The following AKT3 variants were observed in gnomAD, a reference collection of about 807,000 sequenced individuals.
AKT3 encodes RAC-gamma serine/threonine-protein kinase.
A neutral mutation model predicts 65.3 loss-of-function variants in AKT3; 15 were observed. The observed-to-expected ratio is 0.23, with a 90% CI of 0.15 to 0.35. The LOEUF (loss-of-function observed/expected upper bound fraction) is 0.35. AKT3 is among the 10% of genes least tolerant of loss of function. The pLI is 1.00. For synonymous variants in AKT3, 206 were observed against 183.8 expected, an observed-to-expected ratio of 1.12 and a Z score of -0.98; for missense variants, 243 against 576.5, an observed-to-expected ratio of 0.42 and a Z score of 5.92.
chr1:243,841,690 A>G (rs1695251168), intron 2 of AKT3, among the ~76,000 whole-genome samples: 2 of 152,178 alleles, frequency 1.3e-5, no homozygotes. Context: ...TACCCAAGAC[A>G]AATGAAAACA....
intron 2 of AKT3, among the ~76,000 whole-genome samples, chr1:243,727,929 A>G (rs893442264): frequency 6.6e-6 from 1 of 152,210 alleles, no homozygotes; most frequent in East Asian, 1.9e-4. Context: ...TGACCTGACT[A>G]TAAGCAGCAC....
intron 2 of AKT3, among the ~76,000 whole-genome samples, chr1:243,732,640 T>C (rs1456381118): frequency 6.6e-6 from 1 of 152,198 alleles, no homozygotes; most frequent in African/African-American, 2.4e-5. Context: ...CAACCAGCAC[T>C]CTCAAGGACT....
At chr1:243,528,694 T>G (rs1283361581) in intron 12 of AKT3, among the ~76,000 whole-genome samples, 1 of 152,250 alleles carries the variant, frequency 6.6e-6, no homozygotes, top group Non-Finnish European at 1.5e-5. Context: ...ATGGTGTATC[T>G]GTACTACATT....
chr1:243,850,327 G>GGAGGGA (rs1695724679), upstream of AKT3, among the ~76,000 whole-genome samples: 1 of 150,756 alleles, frequency 6.6e-6, no homozygotes, highest in Admixed American at 6.6e-5. Context: ...GGCGGGAGGG[G>GGAGGGA]GAGGGAGGAG....
chr1:243,785,226 G>A (rs962296274), intron 2 of AKT3, among the ~76,000 whole-genome samples: 2 of 150,606 alleles, frequency 1.3e-5, no homozygotes, highest in African/African-American at 4.9e-5. Flanking sequence ...CAGCCACCAT[G>A]CCCAGCTAAT....
chr1:243,534,983 G>A (rs559017106), intron 12 of AKT3, among the ~76,000 whole-genome samples: 99 of 151,304 alleles, frequency 6.5e-4, no homozygotes, highest in Admixed American at 1.5e-3. Context: ...AAATTAGAGC[G>A]GAAATCAATG....
intron 3 of AKT3, among the ~76,000 whole-genome samples, chr1:243,680,709 A>G (rs1313805711): frequency 6.6e-6 from 1 of 152,198 alleles, no homozygotes; most frequent in Non-Finnish European, 1.5e-5. Flanking sequence ...AAATGCAATG[A>G]TTATATAACT....
chr1:243,565,415 A>G (rs1183519921), intron 9 of AKT3, among the ~76,000 whole-genome samples: 3 of 152,070 alleles, frequency 2.0e-5, no homozygotes, highest in Non-Finnish European at 4.4e-5. Context: ...TATAGTGACA[A>G]GGTCTCACTT....
chr1:243,792,446 T>G (rs1449761756), intron 2 of AKT3, among the ~76,000 whole-genome samples: 2 of 152,160 alleles, frequency 1.3e-5, no homozygotes, highest in African/African-American at 4.8e-5. Context: ...CATCTATATA[T>G]ATAACCCGGA....
chr1:243,514,415 T>C (rs1670210752), intron 12 of AKT3, among the ~76,000 whole-genome samples: 1 of 152,220 alleles, frequency 6.6e-6, no homozygotes, highest in Admixed American at 6.5e-5. Context: ...CCACGTGTAC[T>C]GAGGACTTTC....
intron 6 of AKT3, among the ~76,000 whole-genome samples, chr1:243,625,794 G>T (rs1679116827): frequency 6.6e-6 from 1 of 152,180 alleles, no homozygotes; most frequent in African/African-American, 2.4e-5. Flanking sequence ...GTTGCAGAAT[G>T]AAGAAGTCTG....
chr1:243,658,793 C>T (rs138991468), intron 4 of AKT3, among the ~76,000 whole-genome samples: 3 of 149,294 alleles, frequency 2.0e-5, no homozygotes, highest in Admixed American at 6.8e-5. Context: ...TAATTCCAGC[C>T]GAGGGAGGAG....
chr1:243,644,550 A>T (rs1269971866), intron 5 of AKT3, among the ~76,000 whole-genome samples: 1 of 152,188 alleles, frequency 6.6e-6, no homozygotes, highest in African/African-American at 2.4e-5. Context: ...AAAATGTTTA[A>T]AGTGTTTATG....
downstream of AKT3, chr1:243,499,655 A>G (rs1330916191): frequency 1.0e-6 from 1 of 965,192 alleles, no homozygotes; most frequent in Non-Finnish European, 1.7e-6. Flanking sequence ...TTTCTCCAAC[A>G]ACAGTTTTCA....
Position 243,734,593 on chromosome 1 carries a change from G to A in AKT3, c.47-38877C>T, listed in dbSNP as rs1328034231. ...CACACCTCTATAGGGCACTTACCAC[G>A]AATGGGGCTTGTAGGACTAGAAGTG... is the stretch of plus-strand genomic sequence containing the variant. On this transcript the variant is annotated intron_variant, in intron 2 of 13. Transcript: ENST00000673466. Among the ~76,000 whole-genome samples the A allele has an allele frequency of 2.0e-5, 3 of 152,116 alleles. 1 individual carries two copies. Among genetic ancestry groups the A allele is most frequent in the Non-Finnish European group, 4.4e-5 (3 of 68,016 alleles).
At chr1:243,544,704 T>G (rs997913612) in intron 12 of AKT3, among the ~76,000 whole-genome samples, 3 of 84,716 alleles carry the variant, frequency 3.5e-5, no homozygotes, top group Non-Finnish European at 1.0e-4. Context: ...TTTTGTTTTT[T>G]GTTTTTTTTT....
Position 243,843,285 on chromosome 1 carries a change from G to A in AKT3, c.-112-3C>T. 7.1e-7 allele frequency: 1 copy of A among 1,417,564 alleles called. No homozygotes were observed. Among genetic ancestry groups the A allele is most frequent in the Non-Finnish European group, 9.3e-7 (1 of 1,077,408 alleles). 87.8% of individuals were successfully genotyped at this position (1,417,564 alleles called of 1,614,324 possible). On this transcript the variant is annotated splice_polypyrimidine_tract_variant and splice_region_variant and intron_variant, in intron 1 of 13. Coordinates refer to ENST00000673466, the MANE Select transcript of AKT3 (RefSeq NM_005465.7). Reference sequence around the variant, plus strand: ...CCACTCTCTAGTGATGACTCAGCCTGGAAGGAAGTATTGAAGAAAGAATTT... The same window carrying A: ...CCACTCTCTAGTGATGACTCAGCCTAGAAGGAAGTATTGAAGAAAGAATTT...
At chr1:243,734,686 C>T (rs1687746060) in intron 2 of AKT3, among the ~76,000 whole-genome samples, 1 of 152,142 alleles carries the variant, frequency 6.6e-6, no homozygotes, top group Admixed American at 6.5e-5. Context: ...CTGTGGACTT[C>T]ATAAACACCG....
chr1:243,575,528 A>G (rs1321124283), intron 8 of AKT3, among the ~76,000 whole-genome samples: 3 of 152,190 alleles, frequency 2.0e-5, no homozygotes, highest in African/African-American at 7.2e-5. Context: ...TGGTTTAAAC[A>G]AAAGACAATT....
Sources: allele counts gnomAD v4.1 joint callset (sites outside exome capture counted in the v4.1 genomes callset), GRCh38; gene constraint gnomAD v4.1.1; transcripts MANE v1.5; gene names NCBI Gene and HGNC (gene_info 2026-07-23, HGNC 2026-07-21).